Variants in IRF2 observed in about 807,000 individuals in gnomAD.
IRF2 encodes the protein interferon regulatory factor 2.
In IRF2, 15 loss-of-function variants were observed where a neutral mutation model predicts 40.6. That is an observed-to-expected ratio of 0.37 (90% CI 0.25 to 0.57). IRF2 has a LOEUF of 0.57. IRF2 is among the 20% of genes least tolerant of loss of function. The pLI is 0.77. For missense variants in IRF2, 317 were observed against 455.7 expected (o/e 0.70, Z 2.77); for synonymous variants, 151 against 165.5 (o/e 0.91, Z 0.67).
In IRF2 at chr4:184,421,991, G is replaced by A. The variant is rs191775079; in HGVS notation, c.88-2423C>T. 3.3e-3 allele frequency among the ~76,000 whole-genome samples: 496 copies of A among 152,260 alleles called. 2 individuals carry two copies. The highest frequency in any genetic ancestry group is 0.011 in the African/African-American group (438 of 41,548). On this transcript the variant is annotated intron_variant, in intron 2 of 8. Transcript: ENST00000393593. Reference sequence around the variant, plus strand: ...TCAAGAATGGCTTGGTGTCGTTCTCGTGGTAATGAGTAAGCTCTCACTCCA... The same window carrying A: ...TCAAGAATGGCTTGGTGTCGTTCTCATGGTAATGAGTAAGCTCTCACTCCA...
intron 6 of IRF2, among the ~76,000 whole-genome samples, chr4:184,401,750 G>A (rs1368864207): frequency 6.6e-6 from 1 of 152,230 alleles, no homozygotes; most frequent in South Asian, 2.1e-4. Context: ...GTGAGAGTTT[G>A]AGGAGGGAGG....
intron 6 of IRF2, among the ~76,000 whole-genome samples, chr4:184,401,819 C>T (rs1020808052): frequency 6.6e-6 from 1 of 152,178 alleles, no homozygotes; most frequent in African/African-American, 2.4e-5. Flanking sequence ...TGACTTAAGT[C>T]AAAGCCATTT....
chr4:184,442,218 T>C (rs557140691), intron 1 of IRF2, among the ~76,000 whole-genome samples: 1 of 152,176 alleles, frequency 6.6e-6, no homozygotes, highest in Non-Finnish European at 1.5e-5. Flanking sequence ...CAAAACATGC[T>C]GCGTTTCCTG....
At chr4:184,456,810 A>G (rs1579109846) in intron 1 of IRF2, among the ~76,000 whole-genome samples, 1 of 152,380 alleles carries the variant, frequency 6.6e-6, no homozygotes, top group Admixed American at 6.5e-5. Flanking sequence ...TCGGCCCTCC[A>G]CAACATACAA....
chr4:184,422,220 C>G (rs1288869614), intron 2 of IRF2, among the ~76,000 whole-genome samples: 1 of 152,144 alleles, frequency 6.6e-6, no homozygotes, highest in African/African-American at 2.4e-5. Context: ...CCCAGGTAGT[C>G]CTTTGTAGCA....
chr4:184,430,431 G>A lies in IRF2; in HGVS notation c.-6-1361C>T, dbSNP rs192791809. ...CCTCTGCTCTTCATTCCCTGGCCTTGCAGGTCCTTATCCGCCCTCTAAGAC... is the reference window on the plus strand; with the variant it reads ...CCTCTGCTCTTCATTCCCTGGCCTTACAGGTCCTTATCCGCCCTCTAAGAC... On this transcript the variant is annotated intron_variant, in intron 1 of 8. Transcript: ENST00000393593. 3.3e-5 allele frequency among the ~76,000 whole-genome samples: 5 copies of A among 152,094 alleles called. No homozygotes were observed. In the East Asian group the frequency reaches 9.7e-4, roughly 29 times the overall value.
chr4:184,403,033 C>A (rs3775552), intron 6 of IRF2, among the ~76,000 whole-genome samples: 23,241 of 152,114 alleles, frequency 0.15, 2,092 homozygotes, highest in East Asian at 0.29. Context: ...GTTTTCTGGG[C>A]TATGATCTGG....
At chr4:184,467,371 C>T (rs2149919845) in intron 1 of IRF2, among the ~76,000 whole-genome samples, 1 of 152,328 alleles carries the variant, frequency 6.6e-6, no homozygotes, top group East Asian at 1.9e-4. Context: ...ATCACCCCAT[C>T]CCCCAACTCT....
chr4:184,396,932 A>G (rs939407793), intron 7 of IRF2, among the ~76,000 whole-genome samples: 1 of 152,092 alleles, frequency 6.6e-6, no homozygotes, highest in Non-Finnish European at 1.5e-5. Flanking sequence ...GCAGAACCCT[A>G]TTTCTATTAA....
rs1737149141 is a variant in IRF2, at chr4:184,413,504, C to T, written c.411+4663G>A. Among the ~76,000 whole-genome samples, 1 of 152,222 alleles carries T rather than the reference C, an allele frequency of 6.6e-6. No individual in the cohort carries two copies. The highest frequency in any genetic ancestry group is 6.5e-5 in the Admixed American group (1 of 15,278). On this transcript the variant is annotated intron_variant, in intron 5 of 8. Coordinates refer to ENST00000393593, the MANE Select transcript of IRF2 (RefSeq NM_002199.4). The surrounding 1 kb of genome is among the most constrained non-coding windows in gnomAD (Gnocchi z 4.2). ...GACCTCTTCCAACTAGTGAAGGGATCACTCCAGTAGCAGCCCTGCCAGGGA... is the reference window on the plus strand; with the variant it reads ...GACCTCTTCCAACTAGTGAAGGGATTACTCCAGTAGCAGCCCTGCCAGGGA...
intron 1 of IRF2, among the ~76,000 whole-genome samples, chr4:184,464,864 T>G (rs1451902520): frequency 6.6e-6 from 1 of 152,078 alleles, no homozygotes; most frequent in African/African-American, 2.4e-5. Context: ...CTTCTTCTTT[T>G]TTTTTTCTCT....
chr4:184,425,976 GTTTTTGTT>G (rs1200579282), intron 2 of IRF2, among the ~76,000 whole-genome samples: 16 of 66,998 alleles, frequency 2.4e-4, no homozygotes, highest in African/African-American at 7.2e-4. Flanking sequence ...GCTCACTCCG[GTTTTTGTT>G]TGTTTGTTTG....
chr4:184,464,001 G>C (rs906480900), intron 1 of IRF2, among the ~76,000 whole-genome samples: 1 of 152,132 alleles, frequency 6.6e-6, no homozygotes, highest in Admixed American at 6.5e-5. Context: ...AAATGTATAG[G>C]ACACGAAGAT....
chr4:184,395,169 T>C (rs1736398915), intron 7 of IRF2, among the ~76,000 whole-genome samples: 1 of 151,690 alleles, frequency 6.6e-6, no homozygotes. Context: ...CCCAGCACTT[T>C]GGGAGGCCGA....
chr4:184,459,359 T>C (rs1452766152), intron 1 of IRF2, among the ~76,000 whole-genome samples: 1 of 152,162 alleles, frequency 6.6e-6, no homozygotes, highest in Non-Finnish European at 1.5e-5. Flanking sequence ...ACTGAGCAGG[T>C]TACTTGATTT....
chr4:184,437,559 TAAG>T (rs1056790323), intron 1 of IRF2, among the ~76,000 whole-genome samples: 2 of 151,860 alleles, frequency 1.3e-5, no homozygotes, highest in East Asian at 1.9e-4. Context: ...CCACAAAAAA[TAAG>T]AAGAAGAAAT....
At position 184,468,049 on chromosome 4, in the gene IRF2, G is replaced by T. The variant is rs180702448; in HGVS notation, c.-7+6330C>A. ...TTCTTTGTCAACTCCGCTCTTTCTT[G>T]CTTATCAGAAGGGAATACTAAACTG... is the stretch of plus-strand genomic sequence containing the variant. On this transcript the variant is annotated intron_variant, in intron 1 of 8. Coordinates refer to ENST00000393593, the MANE Select transcript of IRF2 (RefSeq NM_002199.4). Among the ~76,000 whole-genome samples, 4 of 152,262 alleles carry T rather than the reference G, an allele frequency of 2.6e-5. No homozygotes were observed. The East Asian group carries it at 7.7e-4, about 29-fold the overall frequency.
Position 184,461,362 on chromosome 4 carries a change from G to A in IRF2, c.-7+13017C>T, listed in dbSNP as rs79471874. On this transcript the variant is annotated intron_variant, in intron 1 of 8. Transcript: ENST00000393593. Reference sequence around the variant, plus strand: ...CAAAAAAATCTGTCACATTAGCACTGCGGCTTCCCCTACAATCTGAAACAA... The same window carrying A: ...CAAAAAAATCTGTCACATTAGCACTACGGCTTCCCCTACAATCTGAAACAA... 2.0e-3 allele frequency among the ~76,000 whole-genome samples: 304 copies of A among 152,290 alleles called. 5 individuals are homozygous for A. The highest frequency in any genetic ancestry group is 6.4e-3 in the African/African-American group (264 of 41,558).
chr4:184,467,396 C>T (rs1739365823), intron 1 of IRF2, among the ~76,000 whole-genome samples: 1 of 152,200 alleles, frequency 6.6e-6, no homozygotes, highest in Admixed American at 6.5e-5. Flanking sequence ...TTCCACCAGC[C>T]TCCCATTGCT....
Sources: gnomAD v4.1 joint callset for allele counts (sites outside exome capture counted in the v4.1 genomes callset) on GRCh38, gnomAD v4.1.1 for gene constraint, Gnocchi (gnomAD v3.1) non-coding constraint, MANE v1.5 for transcripts, NCBI Gene and HGNC (gene_info 2026-07-23, HGNC 2026-07-21) for gene names.